The following NPAS4 variants were observed in gnomAD, a reference collection of about 807,000 sequenced individuals.
The protein encoded by NPAS4 is neuronal PAS domain-containing protein 4.
Under a neutral mutation model 64.0 loss-of-function variants are expected in NPAS4, and 10 were observed. That is an observed-to-expected ratio of 0.16 (90% CI 0.10 to 0.26). The LOEUF (loss-of-function observed/expected upper bound fraction) is 0.26. Ranked by LOEUF, NPAS4 falls within the 10% of genes least tolerant of loss-of-function variation. The pLI is 1.00. For synonymous variants in NPAS4, 441 were observed against 411.7 expected, an observed-to-expected ratio of 1.07 and a Z score of -0.86; for missense variants, 886 against 992.6, an observed-to-expected ratio of 0.89 and a Z score of 1.44.
upstream of NPAS4, among the ~76,000 whole-genome samples, chr11:66,417,877 G>A (rs745510972): frequency 7.9e-5 from 12 of 151,852 alleles, no homozygotes; most frequent in Non-Finnish European, 1.6e-4. Context: ...GTACAGACTC[G>A]CAGCTACAAA....
chr11:66,420,354 C>T (rs1436200690), upstream of NPAS4, among the ~76,000 whole-genome samples: 1 of 152,266 alleles, frequency 6.6e-6, no homozygotes, highest in Non-Finnish European at 1.5e-5. Context: ...ACTCCCTTTC[C>T]ACCCATCCTC....
intron 3 of NPAS4, 44 bp from the exon 4 acceptor site, chr11:66,422,630 T>C (rs755172181): frequency 1.9e-6 from 3 of 1,610,342 alleles, no homozygotes; most frequent in Non-Finnish European, 2.5e-6. Flanking sequence ...TGTCTCTCTC[T>C]CAGCCACTCA....
At chr11:66,422,625 C>T (rs1451704454) in intron 3 of NPAS4, 49 bp from the exon 4 acceptor site, 1 of 1,608,612 alleles carries the variant, frequency 6.2e-7, no homozygotes, top group South Asian at 1.1e-5. Context: ...TCCACTGTCT[C>T]TCTCTCAGCC....
chr11:66,422,518 G>A lies in NPAS4; in HGVS notation c.395G>A (p.Arg132His), dbSNP rs750781616. The A allele has an allele frequency of 2.5e-6, 4 of 1,613,840 alleles. No homozygotes were observed. Among genetic ancestry groups the A allele is most frequent in the African/African-American group, 2.7e-5 (2 of 74,842 alleles). ...GACCCAGCTGACCACCTCACTGTGCGCCAGCAACTCACCCTGCCCTCTGCC... is the reference window on the plus strand; with the variant it reads ...GACCCAGCTGACCACCTCACTGTGCACCAGCAACTCACCCTGCCCTCTGCC... ...IIDPADHLTV[R>H]QQLTLPSALD... Residue 132 changes from arginine (R) to histidine (H), a missense_variant, in exon 3 of 8, where the codon CGC (arginine) becomes CAC (histidine). Physicochemically the swap from Arg to His is conservative, Grantham distance 29 (BLOSUM62 0). Transcript: ENST00000311034.
rs988153676 is a variant in NPAS4 at position 66,423,904 on chromosome 11, C to T, written c.1014C>T (p.Gly338=). The change falls in exon 7 of 8, where the codon GGC becomes GGT. Residue 338 remains glycine, a synonymous_variant. Coordinates refer to ENST00000311034, the MANE Select transcript of NPAS4 (RefSeq NM_178864.4). Reference sequence around the variant, plus strand: ...ACACCCAGGCAGCTTATGTCCTGGGCACTCCGACCATGCTGCCCTCATTCC... The same window carrying T: ...ACACCCAGGCAGCTTATGTCCTGGGTACTCCGACCATGCTGCCCTCATTCC... ...SEDTQAAYVL[G]TPTMLPSFPE... The T allele has an allele frequency of 6.2e-7, 1 of 1,613,882 alleles. No individual in the cohort carries two copies. Among genetic ancestry groups the T allele is most frequent in the African/African-American group, 1.3e-5 (1 of 74,906 alleles).
At chr11:66,412,877 C>T in the NPAS4 span, among the ~76,000 whole-genome samples, 1 of 152,264 alleles carries the variant, frequency 6.6e-6, no homozygotes, top group Non-Finnish European at 1.5e-5. Context: ...GACCGTGTCT[C>T]TCCCACTGCC....
At chr11:66,416,414 G>A (rs1856670041), upstream of NPAS4, among the ~76,000 whole-genome samples, 3 of 152,190 alleles carry the variant, frequency 2.0e-5, no homozygotes, top group Admixed American at 1.3e-4. Flanking sequence ...CAGTCATTTG[G>A]CAACAAGCTA....
At position 66,423,965 on chromosome 11, in the gene NPAS4, A is replaced by G. The variant is rs375504875; in HGVS notation, c.1075A>G (p.Thr359Ala). ...TCTTTCCCAGGAAGAGTGCTCCAGC[A>G]CTAACCCACTCTTCACCGCAGCACT... is the stretch of plus-strand genomic sequence containing the variant. Reference protein sequence around the residue: ...NILSQEECSSTNPLFTAALGA... With the variant: ...NILSQEECSSANPLFTAALGA... The change falls in exon 7 of 8, where the codon ACT becomes GCT. Residue 359 changes from threonine to alanine, a missense_variant. By Grantham distance (58) the Thr-to-Ala change is moderately conservative. Coordinates refer to ENST00000311034, the MANE Select transcript of NPAS4 (RefSeq NM_178864.4). 28 of 1,613,968 alleles carry G rather than the reference A, an allele frequency of 1.7e-5. No individual in the cohort carries two copies. Among genetic ancestry groups the G allele is most frequent in the Admixed American group, 3.3e-5 (2 of 60,004 alleles).
rs756830387 is a variant in NPAS4 at position 66,424,441 on chromosome 11, C to T, written c.1551C>T (p.Ala517=). The T allele has an allele frequency of 6.2e-7, 1 of 1,614,118 alleles. No individual in the cohort carries two copies. The highest frequency in any genetic ancestry group is 1.1e-5 in the South Asian group (1 of 91,080). The change falls in exon 7 of 8, where the codon GCC becomes GCT. Residue 517 remains alanine, a synonymous_variant. Coordinates refer to ENST00000311034, the MANE Select transcript of NPAS4 (RefSeq NM_178864.4). ...CAGACCAGCTGCTTCCCAGCACAGCCACCTTCCCAGAGCCTCTGGGCAGCC... is the reference window on the plus strand; with the variant it reads ...CAGACCAGCTGCTTCCCAGCACAGCTACCTTCCCAGAGCCTCTGGGCAGCC... ...TFPDQLLPST[A]TFPEPLGSPA... is the part of the protein sequence containing the mutation.
rs762003631 is a variant in NPAS4, at chr11:66,423,147, G to A, written c.723G>A (p.Glu241=). The change falls in exon 5 of 8, where the codon GAG becomes GAA. Residue 241 remains glutamate (E), a synonymous_variant. Transcript: ENST00000311034. The part of the protein sequence containing the change: ...SESVLIYLGF[E]RSELLCKSWY... Reference sequence around the variant, plus strand: ...GTGTCCTAATCTACCTGGGCTTTGAGCGCAGTGAACTGCTTTGTAAATCAT... The same window carrying A: ...GTGTCCTAATCTACCTGGGCTTTGAACGCAGTGAACTGCTTTGTAAATCAT... 2 of 1,610,658 alleles carry A rather than the reference G, an allele frequency of 1.2e-6. No homozygotes were observed. The highest frequency in any genetic ancestry group is 1.1e-5 in the South Asian group (1 of 90,342).
intron 4 of NPAS4, 25 bp from the exon 5 acceptor site, chr11:66,423,098 G>A: frequency 6.4e-7 from 1 of 1,554,996 alleles, no homozygotes. Flanking sequence ...ACAGAAAGCT[G>A]ACCTCACCCT....
chr11:66,415,943 A>AT, the NPAS4 span, among the ~76,000 whole-genome samples: 12 of 152,028 alleles, frequency 7.9e-5, no homozygotes, highest in Non-Finnish European at 1.5e-4. Context: ...GGCAGAAAAA[A>AT]TTTTTTTAAA....
the NPAS4 span, among the ~76,000 whole-genome samples, chr11:66,414,303 G>C: frequency 6.6e-6 from 1 of 152,318 alleles, no homozygotes; most frequent in Non-Finnish European, 1.5e-5. Context: ...CTCTGCATTT[G>C]AAAAGTGGCT....
chr11:66,413,596 C>T, the NPAS4 span, among the ~76,000 whole-genome samples: 26 of 152,356 alleles, frequency 1.7e-4, no homozygotes, highest in South Asian at 5.0e-3. Context: ...TCCCTGTTAA[C>T]ACAACCTCAG....
At position 66,425,059 on chromosome 11, in the gene NPAS4, T is replaced by G; in HGVS notation, c.2169T>G (p.Ser723Arg). Residue 723 changes from serine (S) to arginine (R), a missense_variant, in exon 7 of 8, where the codon AGT becomes AGG. Transcript: ENST00000311034. ...TGGATCTCTCTACCCCAGATCCCAG[T>G]GAGGAATGGGGCTCAGGGGATCCTG... ...IFMDLSTPDP[S>R]EEWGSGDPEA... 6.2e-7 allele frequency: 1 copy of G among 1,609,868 alleles called. No homozygotes were observed. Among genetic ancestry groups the G allele is most frequent in the Non-Finnish European group, 8.5e-7 (1 of 1,178,132 alleles).
At position 66,422,785 on chromosome 11, in the gene NPAS4, A is replaced by C; in HGVS notation, c.542A>C (p.Tyr181Ser). 1 of 1,614,198 alleles carries C rather than the reference A, an allele frequency of 6.2e-7. No homozygotes were observed. The highest frequency in any genetic ancestry group is 1.1e-5 in the South Asian group (1 of 91,088). ...GRFHAHPPGA[Y>S]WAGNPVFTAF... The stretch of plus-strand genomic sequence containing the variant: ...TTCCATGCTCACCCACCTGGAGCCT[A>C]CTGGGCAGGAAATCCCGTGTTCACA... Residue 181 changes from tyrosine (Y) to serine (S), a missense_variant, in exon 4 of 8, where the codon TAC (tyrosine) becomes TCC (serine). By Grantham distance (144) the Tyr-to-Ser change is moderately radical. Around this residue, in one of 3 missense-constraint regions of NPAS4, gnomAD observed 820 missense variants for 855.5 expected, o/e 0.96. Coordinates refer to ENST00000311034, the MANE Select transcript of NPAS4 (RefSeq NM_178864.4).
chr11:66,423,953 G>A lies in NPAS4; in HGVS notation c.1063G>A (p.Glu355Lys). The A allele has an allele frequency of 6.2e-7, 1 of 1,614,122 alleles. No homozygotes were observed. Among genetic ancestry groups the A allele is most frequent in the Non-Finnish European group, 8.5e-7 (1 of 1,179,998 alleles). The change falls in exon 7 of 8, where the codon GAG becomes AAG. Residue 355 changes from glutamate to lysine, a missense_variant. Glu to Lys is a moderately conservative substitution (Grantham distance 56, BLOSUM62 1). This residue lies in a region of NPAS4 where 820 missense variants were observed against 855.5 expected (regional missense o/e 0.96). Coordinates refer to ENST00000311034, the MANE Select transcript of NPAS4 (RefSeq NM_178864.4). ...CCCTGAAAACATTCTTTCCCAGGAA[G>A]AGTGCTCCAGCACTAACCCACTCTT... ...SFPENILSQE[E>K]CSSTNPLFTA...
Position 66,424,840 on chromosome 11 carries a change from C to T in NPAS4, c.1950C>T (p.Phe650=), listed in dbSNP as rs754106311. Residue 650 remains phenylalanine, a synonymous_variant, in exon 7 of 8, where the codon TTC becomes TTT. Coordinates refer to ENST00000311034, the MANE Select transcript of NPAS4 (RefSeq NM_178864.4). The part of the protein sequence containing the change: ...SQLAQGMDRP[F]SAEAGTGGLE... Reference sequence around the variant, plus strand: ...TGGCTCAGGGCATGGACAGACCCTTCTCAGCTGAGGCTGGCACTGGCGGAC... The same window carrying T: ...TGGCTCAGGGCATGGACAGACCCTTTTCAGCTGAGGCTGGCACTGGCGGAC... 6.2e-7 allele frequency: 1 copy of T among 1,613,362 alleles called. No homozygotes were observed. Among genetic ancestry groups the T allele is most frequent in the Non-Finnish European group, 8.5e-7 (1 of 1,179,698 alleles).
the NPAS4 span, among the ~76,000 whole-genome samples, chr11:66,411,374 T>C: frequency 6.6e-6 from 1 of 152,076 alleles, no homozygotes; most frequent in East Asian, 1.9e-4. Context: ...GGGAGAGAGG[T>C]TTGCAGAACA....
Sources: gnomAD v4.1 joint callset for allele counts (sites outside exome capture counted in the v4.1 genomes callset) on GRCh38, gnomAD v4.1.1 for gene constraint, gnomAD v4.1.1 regional missense constraint, MANE v1.5 for transcripts, NCBI Gene and HGNC (gene_info 2026-07-23, HGNC 2026-07-21) for gene names.